The following COL28A1 variants were observed in gnomAD, a reference collection of about 807,000 sequenced individuals.
The protein encoded by COL28A1 is collagen type XXVIII alpha 1 chain.
A neutral mutation model predicts 150.2 loss-of-function variants in COL28A1; 161 were observed. The observed-to-expected ratio is 1.07, with a 90% CI of 0.94 to 1.22. The LOEUF is 1.22. COL28A1 is among the 50% of genes most tolerant of loss of function. The pLI is 0.00. For missense variants in COL28A1, 1,617 were observed against 1,388.3 expected (o/e 1.16, Z -2.62); for synonymous variants, 552 against 469.7 (o/e 1.18, Z -2.26).
intron 25 of COL28A1, among the ~76,000 whole-genome samples, chr7:7,424,429 C>T (rs1001175593): frequency 2.0e-5 from 3 of 152,096 alleles, no homozygotes; most frequent in African/African-American, 7.2e-5. Flanking sequence ...AAGGCAGCAC[C>T]GTAGGTACCT....
At chr7:7,424,750 A>G (rs1248594916) in intron 25 of COL28A1, among the ~76,000 whole-genome samples, 1 of 152,172 alleles carries the variant, frequency 6.6e-6, no homozygotes, top group East Asian at 1.9e-4. Flanking sequence ...TTTAGATGGC[A>G]TACCACTTCC....
At chr7:7,466,592 G>C (rs1029804642) in intron 15 of COL28A1, among the ~76,000 whole-genome samples, 3 of 87,634 alleles carry the variant, frequency 3.4e-5, no homozygotes, top group Non-Finnish European at 4.0e-5. Context: ...TTCAGATTCA[G>C]GAAATACACA....
chr7:7,369,351 C>A (rs942192678), intron 33 of COL28A1, among the ~76,000 whole-genome samples: 2 of 152,198 alleles, frequency 1.3e-5, no homozygotes, highest in Admixed American at 6.5e-5. Flanking sequence ...GAGTAAGTTT[C>A]ATCAGAACTT....
chr7:7,461,142 C>A (rs901622296), intron 15 of COL28A1, among the ~76,000 whole-genome samples: 4 of 152,212 alleles, frequency 2.6e-5, no homozygotes, highest in African/African-American at 9.6e-5. Flanking sequence ...CATACCCCCA[C>A]TGGGGAACCT....
chr7:7,435,423 C>A (rs530506775), intron 23 of COL28A1, among the ~76,000 whole-genome samples: 2 of 152,166 alleles, frequency 1.3e-5, no homozygotes, highest in Non-Finnish European at 2.9e-5. Context: ...GGGAAGTAGA[C>A]GAACAATTCG....
At chr7:7,368,840 G>A (rs1205523278) in intron 33 of COL28A1, among the ~76,000 whole-genome samples, 2 of 152,182 alleles carry the variant, frequency 1.3e-5, no homozygotes, top group Admixed American at 6.5e-5. Flanking sequence ...AACAGACTAA[G>A]ACACTTTCCC....
chr7:7,442,201 T>C (rs1583383097), intron 20 of COL28A1, among the ~76,000 whole-genome samples: 1 of 152,348 alleles, frequency 6.6e-6, no homozygotes, highest in South Asian at 2.1e-4. Context: ...CTTGCCTTAT[T>C]GGTGGCATCT....
the COL28A1 span, among the ~76,000 whole-genome samples, chr7:7,342,475 G>A: frequency 3.3e-5 from 5 of 151,788 alleles, no homozygotes; most frequent in African/African-American, 1.2e-4. Flanking sequence ...TTTGTGTTGG[G>A]CTTTTTATTT....
At chr7:7,399,616 A>C (rs1424198716) in intron 27 of COL28A1, among the ~76,000 whole-genome samples, 1 of 151,242 alleles carries the variant, frequency 6.6e-6, no homozygotes, top group African/African-American at 2.5e-5. Context: ...ATTTCATGAC[A>C]AATTTTTGGA....
chr7:7,366,053 T>C (rs1006243636), intron 33 of COL28A1, among the ~76,000 whole-genome samples: 4 of 152,296 alleles, frequency 2.6e-5, no homozygotes, highest in African/African-American at 9.6e-5. Context: ...TCTCATACAT[T>C]AGTGCAGTAA....
At chr7:7,423,532 T>C (rs910264266) in intron 25 of COL28A1, among the ~76,000 whole-genome samples, 2 of 149,068 alleles carry the variant, frequency 1.3e-5, no homozygotes, top group Non-Finnish European at 2.9e-5. Context: ...TCGTGTGTAT[T>C]CTTGGGATGT....
intron 13 of COL28A1, among the ~76,000 whole-genome samples, chr7:7,483,251 T>C (rs1218980006): frequency 6.6e-6 from 1 of 152,222 alleles, no homozygotes; most frequent in Non-Finnish European, 1.5e-5. Flanking sequence ...GGGAACCATC[T>C]TCGGTGTTAC....
chr7:7,503,850 C>A (rs1780663298), intron 11 of COL28A1, among the ~76,000 whole-genome samples: 1 of 152,168 alleles, frequency 6.6e-6, no homozygotes, highest in African/African-American at 2.4e-5. Context: ...TTCATAGACT[C>A]CGAGCGATCC....
rs1785040742 is a variant in COL28A1 at position 7,432,494 on chromosome 7, T to C, written c.1977A>G (p.Gly659=). 6.2e-7 allele frequency: 1 copy of C among 1,614,108 alleles called. No individual in the cohort carries two copies. Among genetic ancestry groups the C allele is most frequent in the African/African-American group, 1.3e-5 (1 of 75,032 alleles). ...PGPPGPMGLR[G]VGDTGAKGEP... Reference sequence around the variant, plus strand: ...TTACCTTTGCTCCAGTGTCTCCCACTCCACGTAAACCCATCGGCCCAGGGG... The same window carrying C: ...TTACCTTTGCTCCAGTGTCTCCCACCCCACGTAAACCCATCGGCCCAGGGG... Residue 659 remains glycine, a synonymous_variant, in exon 25 of 35, where the codon GGA becomes GGG. Coordinates refer to ENST00000399429, the MANE Select transcript of COL28A1 (RefSeq NM_001037763.3).
chr7:7,354,975 G>C (rs911235772), downstream of COL28A1, among the ~76,000 whole-genome samples: 6 of 152,124 alleles, frequency 3.9e-5, no homozygotes, highest in African/African-American at 1.4e-4. Flanking sequence ...TTGTCCTAAG[G>C]ACATTTCTCA....
At position 7,474,458 on chromosome 7, in the gene COL28A1, A is replaced by T. The variant is rs1001535851; in HGVS notation, c.1302+143T>A. 4.6e-5 allele frequency: 20 copies of T among 432,354 alleles called. No homozygotes were observed. In the South Asian group the frequency reaches 5.8e-4, roughly 12 times the overall value. 26.8% of individuals were successfully genotyped at this position (432,354 alleles called of 1,614,324 possible). ...CCTGTGGAAATAAAATAATTATTTT[A>T]AAAAAAGAATATACTAGATTTATAA... On this transcript the variant is annotated intron_variant, in intron 15 of 34. Coordinates refer to ENST00000399429, the MANE Select transcript of COL28A1 (RefSeq NM_001037763.3).
chr7:7,511,166 G>C, intron 8 of COL28A1, 31 bp from the exon 9 acceptor site: 2 of 1,531,362 alleles, frequency 1.3e-6, no homozygotes, highest in East Asian at 2.2e-5. Flanking sequence ...ATAAATAAGA[G>C]AACACTTGCA....
At chr7:7,426,176 C>T (rs1042103820) in intron 25 of COL28A1, among the ~76,000 whole-genome samples, 8 of 152,140 alleles carry the variant, frequency 5.3e-5, no homozygotes, top group African/African-American at 1.9e-4. Flanking sequence ...TCTAAAGATT[C>T]TGCTAAATGA....
At chr7:7,408,553 CA>C (rs1369718775) in intron 27 of COL28A1, among the ~76,000 whole-genome samples, 5 of 152,110 alleles carry the variant, frequency 3.3e-5, no homozygotes, top group African/African-American at 1.2e-4. Context: ...GTCCTTCAAC[CA>C]GTCAAACAGG....
Sources: allele counts gnomAD v4.1 joint callset (sites outside exome capture counted in the v4.1 genomes callset), GRCh38; gene constraint gnomAD v4.1.1; transcripts MANE v1.5; gene names NCBI Gene and HGNC (gene_info 2026-07-23, HGNC 2026-07-21).